MADD: variants seen among roughly 807,000 people sequenced by gnomAD.
The protein encoded by MADD is MAP kinase-activating death domain protein.
Under a neutral mutation model 176.7 loss-of-function variants are expected in MADD, and 109 were observed. The ratio of observed to expected loss-of-function variants is 0.62; its 90% CI spans 0.53 to 0.72. MADD has a LOEUF of 0.72. Among genes scored for constraint, MADD ranks in the 30% least tolerant of loss-of-function variants. The pLI is 0.00. For missense variants in MADD, 1,914 were observed against 2,045.5 expected, an observed-to-expected ratio of 0.94 and a Z score of 1.24; for synonymous variants, 771 against 771.3, an observed-to-expected ratio of 1.00 and a Z score of 0.01.
At chr11:47,274,257 C>T (rs2047736526) in intron 2 of MADD, among the ~76,000 whole-genome samples, 1 of 152,186 alleles carries the variant, frequency 6.6e-6, no homozygotes, top group Admixed American at 6.5e-5. Context: ...AGCTACTCCT[C>T]TATGTATACT....
chr11:47,285,390 C>T lies in MADD; in HGVS notation c.2412-61C>T, dbSNP rs1303934397. On this transcript the variant is annotated intron_variant, in intron 13 of 32. Transcript: ENST00000402192. Reference sequence around the variant, plus strand: ...CAACTGTAGTATAGCATAATTATGGCCCATACTCCCAAGATCAGGTACCCC... The same window carrying T: ...CAACTGTAGTATAGCATAATTATGGTCCATACTCCCAAGATCAGGTACCCC... 2.1e-5 allele frequency: 33 copies of T among 1,605,242 alleles called. 1 individual carries two copies. The East Asian group carries it at 3.3e-4, about 16-fold the overall frequency.
chr11:47,294,898 TACTAAAAAC>T (rs1453143536), intron 20 of MADD, among the ~76,000 whole-genome samples: 1 of 152,172 alleles, frequency 6.6e-6, no homozygotes, highest in East Asian at 1.9e-4. Flanking sequence ...AAAGGAAATA[TACTAAAAAC>T]AGTGGTTAAC....
At chr11:47,285,829 G>A (rs151337423) in intron 14 of MADD, among the ~76,000 whole-genome samples, 8 of 152,276 alleles carry the variant, frequency 5.3e-5, no homozygotes, top group African/African-American at 9.6e-5. Flanking sequence ...ACAGCTGGAT[G>A]GGTAACTGGA....
At chr11:47,298,569 A>G (rs2075029387) in intron 22 of MADD, among the ~76,000 whole-genome samples, 1 of 152,100 alleles carries the variant, frequency 6.6e-6, no homozygotes, top group African/African-American at 2.4e-5. Flanking sequence ...TTTCTTGTAT[A>G]TTCTGGCTAT....
At chr11:47,317,362 A>C (rs2093363267) in intron 27 of MADD, among the ~76,000 whole-genome samples, 1 of 152,186 alleles carries the variant, frequency 6.6e-6, no homozygotes, top group Non-Finnish European at 1.5e-5. Flanking sequence ...TCAGAGGGAC[A>C]ATGCATTTGT....
intron 26 of MADD, among the ~76,000 whole-genome samples, chr11:47,312,358 C>A (rs1054043325): frequency 5.3e-5 from 8 of 152,234 alleles, no homozygotes; most frequent in African/African-American, 1.9e-4. Context: ...AAGCGATTCT[C>A]ATGCCTCAGC....
exon 17 of MADD, chr11:47,289,996 G>C (rs780773918): frequency 9.3e-6 from 15 of 1,614,092 alleles, no homozygotes; most frequent in African/African-American, 2.7e-5. Flanking sequence ...TCCTGAGCAA[G>C]CTGAACCGCA....
At chr11:47,295,660 GGCT>G in intron 21 of MADD, 81 bp downstream of exon 23, 1 of 1,597,216 alleles carries the variant, frequency 6.3e-7, no homozygotes, top group Non-Finnish European at 8.5e-7. Context: ...TCTCTTTGGA[GGCT>G]GCTCTGAGTC....
At position 47,324,365 on chromosome 11, in the gene MADD, T is replaced by TGTCC. The variant is rs551190445; in HGVS notation, c.4435+28_4435+29insGTCC. The TGTCC allele has an allele frequency of 3.1e-3, 4,924 of 1,612,924 alleles. 28 individuals carry two copies. The highest frequency in any genetic ancestry group is 5.8e-3 in the Middle Eastern group (35 of 6,060). On this transcript the variant is annotated intron_variant, in intron 29 of 32. Coordinates refer to ENST00000402192, the Ensembl canonical transcript of MADD. Reference sequence around the variant, plus strand: ...GAGGAGAGTTTTTCCTGAGAGTGTCTTCCCTGTTTCTACCAGTCCTTCTGA... The same window carrying TGTCC: ...GAGGAGAGTTTTTCCTGAGAGTGTCTGTCCTCCCTGTTTCTACCAGTCCTTCTGA...
chr11:47,304,940 G>T (rs2081378860), intron 22 of MADD, among the ~76,000 whole-genome samples: 1 of 152,152 alleles, frequency 6.6e-6, no homozygotes, highest in African/African-American at 2.4e-5. Context: ...TGCCAGTTGG[G>T]AAGGGTATGG....
chr11:47,281,517 G>T, intron 7 of MADD, 58 bp from the exon 8 acceptor site: 2 of 1,413,234 alleles, frequency 1.4e-6, no homozygotes, highest in East Asian at 4.9e-5. Flanking sequence ...TTGGAGTTAA[G>T]ATTGGCTAGC....
Position 47,308,779 on chromosome 11 carries a change from C to T in MADD, c.3751+80C>T, listed in dbSNP as rs954005976. ...GGAGAGGGTCACACTGAACAAGTAG[C>T]TGGTTGTCTTTCTGCTGATCTTAAT... is the stretch of plus-strand genomic sequence containing the variant. On this transcript the variant is annotated intron_variant, in intron 23 of 32. Coordinates refer to ENST00000402192, the Ensembl canonical transcript of MADD. 3.6e-5 allele frequency: 44 copies of T among 1,231,034 alleles called. No individual in the cohort carries two copies. The African/African-American group carries it at 6.3e-4, about 18-fold the overall frequency. 76.3% of individuals were successfully genotyped at this position (1,231,034 alleles called of 1,614,324 possible). A position where few individuals can be genotyped will look rare whatever the true frequency, so the allele number is the denominator to read the frequency against.
intron 15 of MADD, among the ~76,000 whole-genome samples, chr11:47,287,237 G>A (rs569670141): frequency 4.6e-5 from 7 of 152,232 alleles, no homozygotes; most frequent in Middle Eastern, 6.8e-3. Flanking sequence ...CAGGAGAATC[G>A]CTTGAATCCA....
intron 26 of MADD, among the ~76,000 whole-genome samples, chr11:47,312,925 G>A (rs2090635452): frequency 6.6e-6 from 1 of 152,330 alleles, no homozygotes; most frequent in African/African-American, 2.4e-5. Flanking sequence ...AAAGCAATTT[G>A]CAGCCTTGAT....
chr11:47,328,111 C>G (rs1402680214), intron 31 of MADD: 5 of 1,001,152 alleles, frequency 5.0e-6, no homozygotes, highest in Non-Finnish European at 6.0e-6. Flanking sequence ...AGGACACTGC[C>G]ACATCCTGTG....
At chr11:47,305,821 G>A (rs1210085902) in intron 22 of MADD, among the ~76,000 whole-genome samples, 1 of 152,150 alleles carries the variant, frequency 6.6e-6, no homozygotes, top group Non-Finnish European at 1.5e-5. Flanking sequence ...CTAGGGCAAG[G>A]TATCTCAGCT....
chr11:47,275,730 T>C (rs2049143553), intron 3 of MADD, among the ~76,000 whole-genome samples, 169 bp from the exon 4 acceptor site: 1 of 152,240 alleles, frequency 6.6e-6, no homozygotes, highest in Non-Finnish European at 1.5e-5. Flanking sequence ...TTACATTTGC[T>C]TTTGCCATTG....
intron 19 of MADD, 117 bp downstream of exon 20, chr11:47,290,933 G>GA: frequency 6.2e-6 from 5 of 809,830 alleles, no homozygotes; most frequent in Non-Finnish European, 9.6e-6. Flanking sequence ...CTTAGAGAGG[G>GA]AAGGGGGCCT....
At chr11:47,297,425 T>C (rs2073469972) in intron 22 of MADD, among the ~76,000 whole-genome samples, 1 of 151,870 alleles carries the variant, frequency 6.6e-6, no homozygotes, top group African/African-American at 2.4e-5. Context: ...GTGCTGACAG[T>C]TTATTAGGGG....
Sources: gnomAD v4.1 joint callset for allele counts (sites outside exome capture counted in the v4.1 genomes callset) on GRCh38, gnomAD v4.1.1 for gene constraint, MANE v1.5 for transcripts, NCBI Gene and HGNC (gene_info 2026-07-23, HGNC 2026-07-21) for gene names.